CDPF1: variants seen among roughly 807,000 people sequenced by gnomAD.
CDPF1 encodes the protein cysteine rich DPF motif domain containing 1, also known as cysteine-rich DPF motif domain-containing protein 1.
CDPF1 carries 8 observed loss-of-function variants against 8.3 expected under a neutral mutation model. That is an observed-to-expected ratio of 0.96 (90% CI 0.57 to 1.74). The LOEUF is 1.74. Among genes scored for constraint, CDPF1 ranks in the 40% most tolerant of loss-of-function variants. CDPF1 has a pLI of 0.00. For synonymous variants in CDPF1, 62 were observed against 62.9 expected (o/e 0.99, Z 0.07); for missense variants, 151 against 155.3 (o/e 0.97, Z 0.15).
In CDPF1 at chr22:46,246,612, C is replaced by T; in HGVS notation, c.225+498G>A. 1 of 1,527,172 alleles carries T rather than the reference C, an allele frequency of 6.5e-7. No homozygotes were observed. 94.6% of individuals were successfully genotyped at this position (1,527,172 alleles called of 1,614,324 possible). A position where few individuals can be genotyped will look rare whatever the true frequency, so the allele number is the denominator to read the frequency against. On this transcript the variant is annotated intron_variant, in intron 3 of 3. Transcript: ENST00000314567. The surrounding 1 kb of genome is among the most constrained non-coding windows in gnomAD (Gnocchi z 7.1). ...GCTACCCAGGTGAACCTGGCCCACC[C>T]AGCCTCTCTGAAGCTCAGTTCCCTC...
rs1936473958 is a variant in CDPF1, at chr22:46,245,410, T to C, written c.226-172A>G. The stretch of plus-strand genomic sequence containing the variant: ...AGAGGGAGAGCCAGGCCTGAGGGCC[T>C]GGCAGGGTGTCCAGGAGAAAAGCAA... On this transcript the variant is annotated intron_variant, in intron 3 of 3. Coordinates refer to ENST00000314567, the MANE Select transcript of CDPF1 (RefSeq NM_207327.5). This position sits in a 1 kb window ranked among gnomAD's most constrained non-coding sequence, Gnocchi z 6.9. Among the ~76,000 whole-genome samples, 1 of 152,028 alleles carries C rather than the reference T, an allele frequency of 6.6e-6. No individual in the cohort carries two copies. The highest frequency in any genetic ancestry group is 2.4e-5 in the African/African-American group (1 of 41,416).
At position 46,249,974 on chromosome 22, in the gene CDPF1, G is replaced by A. The variant is rs1936552940; in HGVS notation, c.-1+282C>T. 6.6e-6 allele frequency among the ~76,000 whole-genome samples: 1 copy of A among 152,232 alleles called. No individual in the cohort carries two copies. Among genetic ancestry groups the A allele is most frequent in the Admixed American group, 6.5e-5 (1 of 15,292 alleles). ...GGGGGCGGTGCCTGTGAACAGGGAC[G>A]GCTGAGAGGGTCCGGGGATGCTGGT... On this transcript the variant is annotated intron_variant, in intron 1 of 3. Coordinates refer to ENST00000314567, the MANE Select transcript of CDPF1 (RefSeq NM_207327.5). This position sits in a 1 kb window ranked among gnomAD's most constrained non-coding sequence, Gnocchi z 4.6.
rs1430505433 is a variant in CDPF1, at chr22:46,247,048, A to T, written c.225+62T>A. 3 of 1,436,248 alleles carry T rather than the reference A, an allele frequency of 2.1e-6. No individual in the cohort carries two copies. In the African/African-American group the frequency reaches 4.2e-5, roughly 20 times the overall value. The allele number at this position is 1,436,248 out of a possible 1,614,324, so 89.0% of individuals were successfully genotyped here. A position where few individuals can be genotyped will look rare whatever the true frequency, so the allele number is the denominator to read the frequency against. ...CCCTCTCTCCCAGCCCTCCCTACCCAGGGAGAGCTCCAGGATAACCACAGC... is the reference window on the plus strand; with the variant it reads ...CCCTCTCTCCCAGCCCTCCCTACCCTGGGAGAGCTCCAGGATAACCACAGC... On this transcript the variant is annotated intron_variant, in intron 3 of 3. Transcript: ENST00000314567. This position sits in a 1 kb window ranked among gnomAD's most constrained non-coding sequence, Gnocchi z 4.3.
Position 46,245,149 on chromosome 22 carries a change from C to T in CDPF1, c.315G>A (p.Leu105=). ...TCTTTGATGGAGCTTTCCTTTTCTC[C>T]AAGTCTTGCCGAATTTCCTGAGGAA... The part of the protein sequence containing the change: ...NAFPQEIRQD[L]EKRKAPSKRT... The change falls in exon 4 of 4, where the codon TTG becomes TTA. Residue 105 remains leucine (L), a synonymous_variant. Coordinates refer to ENST00000314567, the MANE Select transcript of CDPF1 (RefSeq NM_207327.5). The surrounding 1 kb of genome is among the most constrained non-coding windows in gnomAD (Gnocchi z 6.9). The T allele has an allele frequency of 6.2e-7, 1 of 1,614,254 alleles. No individual in the cohort carries two copies. Among genetic ancestry groups the T allele is most frequent in the African/African-American group, 1.3e-5 (1 of 75,062 alleles).
Position 46,245,221 on chromosome 22 carries a change from G to A in CDPF1, c.243C>T (p.Tyr81=). The part of the protein sequence containing the change: ...VCVGPECSLF[Y]SKRFCLPCVR... ...CACAAGGGAGGCAGAATCTCTTGGAGTAGAATAAACTGCATTCCTTAAAGA... is the reference window on the plus strand; with the variant it reads ...CACAAGGGAGGCAGAATCTCTTGGAATAGAATAAACTGCATTCCTTAAAGA... Residue 81 remains tyrosine (Y), a synonymous_variant, in exon 4 of 4, where the codon TAC becomes TAT. Transcript: ENST00000314567. This position sits in a 1 kb window ranked among gnomAD's most constrained non-coding sequence, Gnocchi z 6.9. 6.2e-7 allele frequency: 1 copy of A among 1,614,202 alleles called. No individual in the cohort carries two copies. The highest frequency in any genetic ancestry group is 8.5e-7 in the Non-Finnish European group (1 of 1,180,006).
At position 46,249,873 on chromosome 22, in the gene CDPF1, G is replaced by A. The variant is rs1356514901; in HGVS notation, c.-1+383C>T. Among the ~76,000 whole-genome samples, 2 of 152,150 alleles carry A rather than the reference G, an allele frequency of 1.3e-5. No individual in the cohort carries two copies. The highest frequency in any genetic ancestry group is 4.8e-5 in the African/African-American group (2 of 41,430). On this transcript the variant is annotated intron_variant, in intron 1 of 3. Transcript: ENST00000314567. The surrounding 1 kb of genome is among the most constrained non-coding windows in gnomAD (Gnocchi z 4.6). ...CTGTCTCAAAACAAAAGTTACGATC[G>A]ATCGCGGGTGTGCGTGAACCTGATC...
chr22:46,247,484 C>G lies in CDPF1; in HGVS notation c.114-263G>C, dbSNP rs186972428. 9.8e-5 allele frequency among the ~76,000 whole-genome samples: 15 copies of G among 152,316 alleles called. 1 individual carries two copies. Among genetic ancestry groups the G allele is most frequent in the Admixed American group, 9.8e-4 (15 of 15,306 alleles). On this transcript the variant is annotated intron_variant, in intron 2 of 3. Transcript: ENST00000314567. This position sits in a 1 kb window ranked among gnomAD's most constrained non-coding sequence, Gnocchi z 4.3. ...GTAGAGAGAACCCCTTGTTCTCAGC[C>G]AAAAGCAGGGCTGCTGCAACATGGG...
rs1279891041 is a variant in CDPF1 at position 46,249,894 on chromosome 22, T to C, written c.-1+362A>G. 2.0e-5 allele frequency among the ~76,000 whole-genome samples: 3 copies of C among 152,172 alleles called. No homozygotes were observed. Among genetic ancestry groups the C allele is most frequent in the Non-Finnish European group, 4.4e-5 (3 of 68,022 alleles). On this transcript the variant is annotated intron_variant, in intron 1 of 3. Coordinates refer to ENST00000314567, the MANE Select transcript of CDPF1 (RefSeq NM_207327.5). The surrounding 1 kb of genome is among the most constrained non-coding windows in gnomAD (Gnocchi z 4.6). ...GATCGATCGCGGGTGTGCGTGAACC[T>C]GATCCCGCTTCTCTTCTGCACGCCG...
rs1439572335 is a variant in CDPF1, at chr22:46,245,268, G to T, written c.226-30C>A. On this transcript the variant is annotated intron_variant, in intron 3 of 3. Transcript: ENST00000314567. The surrounding 1 kb of genome is among the most constrained non-coding windows in gnomAD (Gnocchi z 6.9). ...AAGAAGTGGACAAGGATGGAGGCTT[G>T]AGTATCCTGGGAACATGGTGCAGCT... 10 of 1,610,992 alleles carry T rather than the reference G, an allele frequency of 6.2e-6. No homozygotes were observed. The highest frequency in any genetic ancestry group is 8.5e-6 in the Non-Finnish European group (10 of 1,177,910).
At position 46,245,321 on chromosome 22, in the gene CDPF1, T is replaced by A; in HGVS notation, c.226-83A>T. On this transcript the variant is annotated intron_variant, in intron 3 of 3. Coordinates refer to ENST00000314567, the MANE Select transcript of CDPF1 (RefSeq NM_207327.5). This position sits in a 1 kb window ranked among gnomAD's most constrained non-coding sequence, Gnocchi z 6.9. ...TCCCAGGGGCCAGCCCTTCCCACAC[T>A]TGGGGGGCTGGGCTGGGGCCCCAGC... is the stretch of plus-strand genomic sequence containing the variant. 1 of 1,504,876 alleles carries A rather than the reference T, an allele frequency of 6.6e-7. No individual in the cohort carries two copies. The highest frequency in any genetic ancestry group is 9.0e-7 in the Non-Finnish European group (1 of 1,106,044). The allele number at this position is 1,504,876 out of a possible 1,614,324, so 93.2% of individuals were successfully genotyped here.
Position 46,244,766 on chromosome 22 carries a change from C to G in CDPF1, c.*326G>C, listed in dbSNP as rs1936459416. 2 of 291,858 alleles carry G rather than the reference C, an allele frequency of 6.9e-6. No homozygotes were observed. Among genetic ancestry groups the G allele is most frequent in the African/African-American group, 4.3e-5 (2 of 46,364 alleles). 18.1% of individuals were successfully genotyped at this position (291,858 alleles called of 1,614,324 possible). A position where few individuals can be genotyped will look rare whatever the true frequency, so the allele number is the denominator to read the frequency against. ...GCACCTGCACGCAGCCTCTTAGGAG[C>G]TGCCCTGCTGAAGGAGGTCATCCCT... On this transcript the variant is annotated 3_prime_UTR_variant, in exon 4 of 4. Coordinates refer to ENST00000314567, the MANE Select transcript of CDPF1 (RefSeq NM_207327.5). The surrounding 1 kb of genome is among the most constrained non-coding windows in gnomAD (Gnocchi z 6.7).
Position 46,249,032 on chromosome 22 carries a change from A to C in CDPF1, c.1-748T>G, listed in dbSNP as rs1936536183. On this transcript the variant is annotated intron_variant, in intron 1 of 3. Coordinates refer to ENST00000314567, the MANE Select transcript of CDPF1 (RefSeq NM_207327.5). The surrounding 1 kb of genome is among the most constrained non-coding windows in gnomAD (Gnocchi z 4.6). The stretch of plus-strand genomic sequence containing the variant: ...ACTCCATCTCAAAAAACAAACAAAC[A>C]AAAAAACTGTTTTCTTATCTGCTTG... Among the ~76,000 whole-genome samples, 1 of 151,640 alleles carries C rather than the reference A, an allele frequency of 6.6e-6. No individual in the cohort carries two copies. Among genetic ancestry groups the C allele is most frequent in the Non-Finnish European group, 1.5e-5 (1 of 67,994 alleles).
chr22:46,247,188 G>C lies in CDPF1; in HGVS notation c.147C>G (p.Pro49=). Residue 49 remains proline, a synonymous_variant, in exon 3 of 4, where the codon CCC becomes CCG. Transcript: ENST00000314567. This position sits in a 1 kb window ranked among gnomAD's most constrained non-coding sequence, Gnocchi z 4.3. Reference sequence around the variant, plus strand: ...GGAATCTGTCCTTGTCGGAGGTGAAGGGATCCTTCATGACATAGCTTTCCT... The same window carrying C: ...GGAATCTGTCCTTGTCGGAGGTGAACGGATCCTTCATGACATAGCTTTCCT... ...LLEESYVMKD[P]FTSDKDRFLV... is the part of the protein sequence containing the mutation. 6.2e-7 allele frequency: 1 copy of C among 1,614,000 alleles called. No homozygotes were observed. The highest frequency in any genetic ancestry group is 1.1e-5 in the South Asian group (1 of 91,066).
rs1936546480 is a variant in CDPF1, at chr22:46,249,673, T to C, written c.-1+583A>G. On this transcript the variant is annotated intron_variant, in intron 1 of 3. Coordinates refer to ENST00000314567, the MANE Select transcript of CDPF1 (RefSeq NM_207327.5). The surrounding 1 kb of genome is among the most constrained non-coding windows in gnomAD (Gnocchi z 4.6). ...CAAAAAAATAAAAATTAAAATTAAA[T>C]AAAATAAAATATTAGCCGGGCGTGG... is the stretch of plus-strand genomic sequence containing the variant. Among the ~76,000 whole-genome samples the C allele has an allele frequency of 7.2e-6, 1 of 138,364 alleles. No homozygotes were observed. Among genetic ancestry groups the C allele is most frequent in the South Asian group, 2.2e-4 (1 of 4,470 alleles). The allele number at this position is 138,364 out of a possible 152,430, so 90.8% of individuals were successfully genotyped here. A position where few individuals can be genotyped will look rare whatever the true frequency, so the allele number is the denominator to read the frequency against.
At position 46,249,393 on chromosome 22, in the gene CDPF1, A is replaced by C. The variant is rs1936541733; in HGVS notation, c.-1+863T>G. Among the ~76,000 whole-genome samples, 1 of 152,168 alleles carries C rather than the reference A, an allele frequency of 6.6e-6. No homozygotes were observed. The highest frequency in any genetic ancestry group is 2.1e-4 in the South Asian group (1 of 4,832). On this transcript the variant is annotated intron_variant, in intron 1 of 3. Transcript: ENST00000314567. The surrounding 1 kb of genome is among the most constrained non-coding windows in gnomAD (Gnocchi z 4.6). ...GCCCGGTGTGGTTGCTCATACCTGT[A>C]ATCCCAGCACTCTGGTAGCCAGAGG...
rs779813569 is a variant in CDPF1 at position 46,245,109 on chromosome 22, G to T, written c.355C>A (p.Pro119Thr). ...AGTTGCACTCACGTCCGAGAACCGG[G>T]CTGGCTGGGGGTCCTCTTTGATGGA... ...KAPSKRTPSQ[P>T]GSRT Residue 119 changes from proline (P) to threonine (T), a missense_variant, in exon 4 of 4, where the codon CCC becomes ACC. Pro to Thr is a conservative substitution (Grantham distance 38). Transcript: ENST00000314567. The surrounding 1 kb of genome is among the most constrained non-coding windows in gnomAD (Gnocchi z 6.9). 1.2e-6 allele frequency: 2 copies of T among 1,614,238 alleles called. No individual in the cohort carries two copies. Among genetic ancestry groups the T allele is most frequent in the South Asian group, 2.2e-5 (2 of 91,090 alleles).
At position 46,248,912 on chromosome 22, in the gene CDPF1, G is replaced by A. The variant is rs1014356632; in HGVS notation, c.1-628C>T. Among the ~76,000 whole-genome samples, 3 of 152,144 alleles carry A rather than the reference G, an allele frequency of 2.0e-5. No individual in the cohort carries two copies. In the South Asian group the frequency reaches 6.2e-4, roughly 32 times the overall value. On this transcript the variant is annotated intron_variant, in intron 1 of 3. Transcript: ENST00000314567. This position sits in a 1 kb window ranked among gnomAD's most constrained non-coding sequence, Gnocchi z 4.1. ...CGGGCGCCTATAGTCTCAGCTACAT[G>A]GGAGTCTGAGGCAGGAGAATGGCGT...
chr22:46,249,768 G>C lies in CDPF1; in HGVS notation c.-1+488C>G, dbSNP rs1936548488. Among the ~76,000 whole-genome samples, 2 of 146,108 alleles carry C rather than the reference G, an allele frequency of 1.4e-5. No individual in the cohort carries two copies. Among genetic ancestry groups the C allele is most frequent in the Admixed American group, 6.9e-5 (1 of 14,494 alleles). On this transcript the variant is annotated intron_variant, in intron 1 of 3. Transcript: ENST00000314567. The surrounding 1 kb of genome is among the most constrained non-coding windows in gnomAD (Gnocchi z 4.6). ...AGAATCGCTTGAGCGGGGGGTTGGG[G>C]AGCGGGGGCTGGGGGGGCGGAGGTT...
rs1230238940 is a variant in CDPF1, at chr22:46,244,192, G to A, written c.*900C>T. Reference sequence around the variant, plus strand: ...CAGGGAGATGGGGAGCCTGGAGTAGGGGGGTGCTGCAGGAACCCCCGGCAG... The same window carrying A: ...CAGGGAGATGGGGAGCCTGGAGTAGAGGGGTGCTGCAGGAACCCCCGGCAG... On this transcript the variant is annotated 3_prime_UTR_variant, in exon 4 of 4. Transcript: ENST00000314567. The surrounding 1 kb of genome is among the most constrained non-coding windows in gnomAD (Gnocchi z 6.7). 2 of 108,710 alleles carry A rather than the reference G, an allele frequency of 1.8e-5. No homozygotes were observed. The highest frequency in any genetic ancestry group is 3.7e-5 in the Non-Finnish European group (2 of 53,652). 6.7% of individuals were successfully genotyped at this position (108,710 alleles called of 1,614,324 possible).
Sources: gnomAD v4.1 joint callset for allele counts (sites outside exome capture counted in the v4.1 genomes callset) on GRCh38, gnomAD v4.1.1 for gene constraint, Gnocchi (gnomAD v3.1) non-coding constraint, MANE v1.5 for transcripts, NCBI Gene and HGNC (gene_info 2026-07-23, HGNC 2026-07-21) for gene names.